The following ELMO1 variants were observed in gnomAD, a reference collection of about 807,000 sequenced individuals.
ELMO1 encodes engulfment and cell motility protein 1.
A neutral mutation model predicts 98.9 loss-of-function variants in ELMO1; 26 were observed. The observed-to-expected ratio is 0.26, with a 90% confidence interval of 0.19 to 0.36. The LOEUF is 0.36. Among genes scored for constraint, ELMO1 ranks in the 10% least tolerant of loss-of-function variants. The probability of loss-of-function intolerance (pLI) is 1.00; values close to 1 mark genes in which losing one functional copy is unlikely to be tolerated. For missense variants in ELMO1, 627 were observed against 935.2 expected (o/e 0.67, Z 4.30); for synonymous variants, 346 against 346.0 (o/e 1.00, Z 0.00).
intron 20 of ELMO1, among the ~76,000 whole-genome samples, chr7:36,867,773 T>C (rs1252390099): frequency 6.6e-6 from 1 of 152,188 alleles, no homozygotes; most frequent in African/African-American, 2.4e-5. Context: ...GTGGGTTATT[T>C]ACAAGTGTGT....
intron 15 of ELMO1, among the ~76,000 whole-genome samples, chr7:37,063,804 G>A (rs1796797878): frequency 6.6e-6 from 1 of 152,054 alleles, no homozygotes; most frequent in Non-Finnish European, 1.5e-5. Context: ...TCAAGTTTTT[G>A]AAGACTGCCT....
chr7:37,254,667 A>G (rs760702521), intron 6 of ELMO1, among the ~76,000 whole-genome samples: 13 of 152,206 alleles, frequency 8.5e-5, no homozygotes, highest in Non-Finnish European at 1.6e-4. Flanking sequence ...TATAAAATAT[A>G]AAAAATGGCA....
intron 11 of ELMO1, among the ~76,000 whole-genome samples, chr7:37,213,731 T>A (rs1297061656): frequency 6.6e-6 from 1 of 152,114 alleles, no homozygotes; most frequent in Non-Finnish European, 1.5e-5. Context: ...GGCAGCCATA[T>A]AAGTCAAGAG....
chr7:37,086,011 AC>A (rs1432024251), intron 15 of ELMO1, among the ~76,000 whole-genome samples: 2 of 152,210 alleles, frequency 1.3e-5, no homozygotes, highest in African/African-American at 4.8e-5. Flanking sequence ...TGACAGCAAC[AC>A]CGTTGACCTG....
intron 16 of ELMO1, among the ~76,000 whole-genome samples, chr7:36,915,759 G>A (rs1050906203): frequency 6.6e-6 from 1 of 152,194 alleles, no homozygotes; most frequent in Non-Finnish European, 1.5e-5. Context: ...GATCAATAAG[G>A]AGGATGAATG....
chr7:37,187,016 A>T (rs1306614817), intron 13 of ELMO1, among the ~76,000 whole-genome samples: 2 of 152,236 alleles, frequency 1.3e-5, no homozygotes, highest in Non-Finnish European at 2.9e-5. Context: ...AAGTGTTCAT[A>T]GCAGCTTTAG....
chr7:37,000,426 T>C (rs1036801284), intron 16 of ELMO1, among the ~76,000 whole-genome samples: 2 of 152,058 alleles, frequency 1.3e-5, no homozygotes, highest in Non-Finnish European at 2.9e-5. Context: ...AGAAGGAAAA[T>C]AGGACCAGAA....
intron 16 of ELMO1, among the ~76,000 whole-genome samples, chr7:36,939,805 G>A (rs1002525951): frequency 1.3e-5 from 2 of 152,210 alleles, no homozygotes; most frequent in Non-Finnish European, 2.9e-5. Flanking sequence ...GGAGGCAGAG[G>A]GGCCAAGTGG....
intron 13 of ELMO1, among the ~76,000 whole-genome samples, chr7:37,162,933 T>C (rs563229245): frequency 1.3e-5 from 2 of 152,264 alleles, no homozygotes; most frequent in South Asian, 4.1e-4. Flanking sequence ...AAAACAAAAG[T>C]TAAAGAAGTT....
intron 13 of ELMO1, among the ~76,000 whole-genome samples, chr7:37,166,581 T>C (rs1789709124): frequency 6.6e-6 from 1 of 152,178 alleles, no homozygotes; most frequent in Non-Finnish European, 1.5e-5. Context: ...ATTTTTGCCT[T>C]CATTTCGTTA....
At chr7:37,007,796 T>C (rs115171833) in intron 16 of ELMO1, among the ~76,000 whole-genome samples, 1,633 of 152,282 alleles carry the variant, frequency 0.011, 28 homozygotes, top group African/African-American at 0.038. Flanking sequence ...CTATGAATAA[T>C]CTTCATAGGA....
chr7:37,082,916 T>C (rs923290871), intron 15 of ELMO1, among the ~76,000 whole-genome samples: 9 of 152,268 alleles, frequency 5.9e-5, no homozygotes, highest in African/African-American at 1.9e-4. Context: ...AATGGAATAG[T>C]CAGTTCAGGT....
intron 1 of ELMO1, among the ~76,000 whole-genome samples, chr7:37,386,302 G>A (rs1334631572): frequency 6.6e-6 from 1 of 151,946 alleles, no homozygotes; most frequent in Non-Finnish European, 1.5e-5. Context: ...GACTAGGTTT[G>A]GAAAATGGGC....
intron 4 of ELMO1, among the ~76,000 whole-genome samples, chr7:37,311,159 CA>C (rs369354930): frequency 4.1e-5 from 6 of 147,774 alleles, no homozygotes; most frequent in Non-Finnish European, 7.6e-5. Context: ...CCCACTGCAC[CA>C]AAAAAAAACC....
At chr7:37,436,265 T>C (rs7797162) in intron 1 of ELMO1, among the ~76,000 whole-genome samples, 36,905 of 152,160 alleles carry the variant, frequency 0.24, 4,683 homozygotes, top group East Asian at 0.44. Flanking sequence ...AATCCTGATA[T>C]ATAGAAAAGA....
At chr7:36,920,632 T>TA (rs1160014760) in intron 16 of ELMO1, among the ~76,000 whole-genome samples, 1 of 152,186 alleles carries the variant, frequency 6.6e-6, no homozygotes, top group Admixed American at 6.5e-5. Context: ...GAAAGGCTTT[T>TA]AAAAAAATCT....
rs1466086449 is a variant in ELMO1, at chr7:37,254,981, T to A, written c.413+4200A>T. On this transcript the variant is annotated intron_variant, in intron 6 of 21. Transcript: ENST00000310758. The stretch of plus-strand genomic sequence containing the variant: ...CTGTTCTGCAGGTGGAGATGTGTCA[T>A]AAAGTAAGGCCACAGCACTGAGAAA... 8.5e-5 allele frequency among the ~76,000 whole-genome samples: 13 copies of A among 152,328 alleles called. No individual in the cohort carries two copies. In the East Asian group the frequency reaches 2.5e-3, roughly 29 times the overall value.
intron 21 of ELMO1, among the ~76,000 whole-genome samples, chr7:36,857,924 G>GT (rs1802331111): frequency 6.6e-6 from 1 of 152,000 alleles, no homozygotes; most frequent in South Asian, 2.1e-4. Context: ...TATCAAAGAC[G>GT]TAAGGGGTCC....
chr7:37,010,486 G>A (rs1793468705), intron 16 of ELMO1, among the ~76,000 whole-genome samples: 1 of 152,236 alleles, frequency 6.6e-6, no homozygotes, highest in Admixed American at 6.5e-5. Context: ...AAAGGTGGAA[G>A]ACCAAGGCAG....
Sources: gnomAD v4.1 joint callset for allele counts (sites outside exome capture counted in the v4.1 genomes callset) on GRCh38, gnomAD v4.1.1 for gene constraint, MANE v1.5 for transcripts, NCBI Gene and HGNC (gene_info 2026-07-23, HGNC 2026-07-21) for gene names.